Variants in RNASEH1 observed in about 807,000 individuals in gnomAD.
RNASEH1 encodes the protein ribonuclease H type II.
Under a neutral mutation model 34.6 loss-of-function variants are expected in RNASEH1, and 27 were observed. The ratio of observed to expected loss-of-function variants is 0.78; its 90% CI spans 0.58 to 1.08. The LOEUF (loss-of-function observed/expected upper bound fraction) is 1.08. Ranked by LOEUF, RNASEH1 falls within the 50% of genes least tolerant of loss-of-function variation. The pLI is 0.00. For missense variants in RNASEH1, 349 were observed against 373.6 expected (o/e 0.93, Z 0.54); for synonymous variants, 162 against 138.4 (o/e 1.17, Z -1.20).
rs1015965444 is a variant in RNASEH1, at chr2:3,545,263, T to C, written c.*522A>G. The C allele has an allele frequency of 5.7e-5, 9 of 156,628 alleles. No individual in the cohort carries two copies. The highest frequency in any genetic ancestry group is 2.2e-4 in the African/African-American group (9 of 41,380). The allele number at this position is 156,628 out of a possible 1,614,324, so 9.7% of individuals were successfully genotyped here. On this transcript the variant is annotated 3_prime_UTR_variant, in exon 8 of 8. Transcript: ENST00000315212. ...ACTAACTGCCCAGCAAGCAGGCACA[T>C]GGGGCTGAGACCCAGCACACATCCT...
In RNASEH1 at chr2:3,544,871, T is replaced by G. The variant is rs1186466534; in HGVS notation, c.*914A>C. ...CTCACTGCAACCTCTGCCGCCTGGGTTCAAGTGATTCTTGTGCCTCAGCCT... is the reference window on the plus strand; with the variant it reads ...CTCACTGCAACCTCTGCCGCCTGGGGTCAAGTGATTCTTGTGCCTCAGCCT... On this transcript the variant is annotated 3_prime_UTR_variant, in exon 8 of 8. Transcript: ENST00000315212. The G allele has an allele frequency of 1.3e-5, 2 of 151,456 alleles. No homozygotes were observed. Among genetic ancestry groups the G allele is most frequent in the Non-Finnish European group, 2.9e-5 (2 of 67,916 alleles). 9.4% of individuals were successfully genotyped at this position (151,456 alleles called of 1,614,324 possible).
At position 3,545,480 on chromosome 2, in the gene RNASEH1, C is replaced by T; in HGVS notation, c.*305G>A. 3.0e-6 allele frequency: 1 copy of T among 327,980 alleles called. No individual in the cohort carries two copies. 20.3% of individuals were successfully genotyped at this position (327,980 alleles called of 1,614,324 possible). ...TTTGATTTCTTATCAAAATATAAGC[C>T]ACAGCATTTTAGGCCATTTGCCTTG... On this transcript the variant is annotated 3_prime_UTR_variant, in exon 8 of 8. Transcript: ENST00000315212.
rs1668923575 is a variant in RNASEH1 at position 3,548,049 on chromosome 2, G to A, written c.656C>T (p.Thr219Ile). Residue 219 changes from threonine (T) to isoleucine (I), a missense_variant, in exon 7 of 8, where the codon ACT (threonine) becomes ATT (isoleucine). Coordinates refer to ENST00000315212, the MANE Select transcript of RNASEH1 (RefSeq NM_002936.6). ...TTTCTTCCAACCTTGAACCCAGTTA[G>A]TTATACCTACAAAAATGCACGATCA... ...TDSMFTINGITNWVQGWKKNG... is the reference protein window; with the variant it reads ...TDSMFTINGIINWVQGWKKNG... The A allele has an allele frequency of 1.2e-6, 2 of 1,613,864 alleles. No individual in the cohort carries two copies. Among genetic ancestry groups the A allele is most frequent in the African/African-American group, 2.7e-5 (2 of 74,894 alleles).
chr2:3,547,439 G>C (rs1202589507), intron 7 of RNASEH1, among the ~76,000 whole-genome samples: 1 of 150,870 alleles, frequency 6.6e-6, no homozygotes, highest in African/African-American at 2.4e-5. Flanking sequence ...GCCTCCTAAA[G>C]TGCTGGGTTA....
At chr2:3,549,412 GGA>G (rs891650075) in intron 4 of RNASEH1, among the ~76,000 whole-genome samples, 48 of 152,190 alleles carry the variant, frequency 3.2e-4, no homozygotes, top group African/African-American at 1.0e-3. Flanking sequence ...GAAGAAGAAT[GGA>G]GAGAGTGAGA....
In RNASEH1 at chr2:3,545,593, T is replaced by C; in HGVS notation, c.*192A>G. 1 of 575,478 alleles carries C rather than the reference T, an allele frequency of 1.7e-6. No individual in the cohort carries two copies. The highest frequency in any genetic ancestry group is 2.3e-5 in the South Asian group (1 of 43,944). The allele number at this position is 575,478 out of a possible 1,614,324, so 35.6% of individuals were successfully genotyped here. A position where few individuals can be genotyped will look rare whatever the true frequency, so the allele number is the denominator to read the frequency against. ...ACATAATTCTCCAATCTCAAAGATG[T>C]TCAATTTATTATATACTTAACCATT... On this transcript the variant is annotated 3_prime_UTR_variant, in exon 8 of 8. Transcript: ENST00000315212.
the RNASEH1 span, among the ~76,000 whole-genome samples, chr2:3,534,651 G>A: frequency 9.9e-5 from 15 of 152,240 alleles, no homozygotes; most frequent in African/African-American, 2.2e-4. Flanking sequence ...GATCTGGGCC[G>A]GGGTGCAAGC....
Position 3,551,958 on chromosome 2 carries a change from C to T in RNASEH1, c.409+186G>A, listed in dbSNP as rs150603677. On this transcript the variant is annotated intron_variant, in intron 3 of 7. Transcript: ENST00000315212. Reference sequence around the variant, plus strand: ...ATGTAAGGGTTTTCCTAAGAACATCCAAAAGTTTAATTCTGCACTACTTGA... The same window carrying T: ...ATGTAAGGGTTTTCCTAAGAACATCTAAAAGTTTAATTCTGCACTACTTGA... 1.8e-4 allele frequency among the ~76,000 whole-genome samples: 27 copies of T among 152,294 alleles called. No homozygotes were observed. In the East Asian group the frequency reaches 5.0e-3, roughly 28 times the overall value.
chr2:3,537,585 G>C (rs1184964409), downstream of RNASEH1, among the ~76,000 whole-genome samples: 2 of 152,062 alleles, frequency 1.3e-5, no homozygotes, highest in African/African-American at 4.8e-5. Context: ...GCTGGGAATG[G>C]TGGCACACAC....
At chr2:3,549,796 A>C (rs905929176) in intron 4 of RNASEH1, among the ~76,000 whole-genome samples, 1 of 152,026 alleles carries the variant, frequency 6.6e-6, no homozygotes, top group African/African-American at 2.4e-5. Context: ...AATACAAAAA[A>C]TTAGCTGGGC....
In RNASEH1 at chr2:3,554,096, T is replaced by C. The variant is rs546975858; in HGVS notation, c.245-1788A>G. 2.6e-5 allele frequency among the ~76,000 whole-genome samples: 4 copies of C among 152,274 alleles called. No individual in the cohort carries two copies. In the East Asian group the frequency reaches 7.7e-4, roughly 29 times the overall value. ...AGGAACAAGAAAATGTCCAGCCTAGTGGAGCTTCTCAACCCACACCTCTCG... is the reference window on the plus strand; with the variant it reads ...AGGAACAAGAAAATGTCCAGCCTAGCGGAGCTTCTCAACCCACACCTCTCG... On this transcript the variant is annotated intron_variant, in intron 2 of 7. Transcript: ENST00000315212.
At chr2:3,532,341 C>A in the RNASEH1 span, 6 of 702,176 alleles carry the variant, frequency 8.5e-6, no homozygotes, top group South Asian at 4.4e-5. Context: ...GGGTACAAAG[C>A]GAGTGGTTCA....
intron 1 of RNASEH1, 34 bp from the exon 2 acceptor site, chr2:3,556,938 C>A: frequency 7.0e-7 from 1 of 1,436,870 alleles, no homozygotes; most frequent in South Asian, 1.1e-5. Flanking sequence ...TTCCTTCTTC[C>A]TTCTCTAACT....
intron 6 of RNASEH1, among the ~76,000 whole-genome samples, chr2:3,548,347 T>C (rs904817307): frequency 6.6e-6 from 1 of 152,196 alleles, no homozygotes; most frequent in African/African-American, 2.4e-5. Flanking sequence ...ATTCAGGGCA[T>C]TTCCCAAAGA....
intron 2 of RNASEH1, among the ~76,000 whole-genome samples, 184 bp from the exon 3 acceptor site, chr2:3,552,492 C>G (rs1398835599): frequency 7.1e-6 from 1 of 141,282 alleles, no homozygotes; most frequent in African/African-American, 2.7e-5. Context: ...ACCCCCTCCA[C>G]GCCATCTCCA....
chr2:3,538,135 G>C (rs1392912330), downstream of RNASEH1, among the ~76,000 whole-genome samples: 1 of 151,886 alleles, frequency 6.6e-6, no homozygotes, highest in Admixed American at 6.6e-5. Context: ...GATCACATGA[G>C]GTCGGGAGTC....
At chr2:3,549,011 T>C (rs777521338) in intron 5 of RNASEH1, 47 bp downstream of exon 5, 3 of 1,406,816 alleles carry the variant, frequency 2.1e-6, no homozygotes, top group Non-Finnish European at 3.0e-6. Flanking sequence ...GATAATTTCA[T>C]ACTCAATGCT....
chr2:3,541,933 G>A lies in RNASEH1; in HGVS notation c.*3852C>T, dbSNP rs148589615. ...TTTGGGAGGCCAAGGAAGGAGGATC[G>A]CTTGAGGCCAGGAGTTTAAGACCAG... On this transcript the variant is annotated 3_prime_UTR_variant, in exon 8 of 8. Transcript: ENST00000315212. Among the ~76,000 whole-genome samples, 484 of 152,248 alleles carry A rather than the reference G, an allele frequency of 3.2e-3. 1 individual carries two copies. The highest frequency in any genetic ancestry group is 0.017 in the Middle Eastern group (5 of 294).
At chr2:3,540,879 C>T (rs541309015), downstream of RNASEH1, among the ~76,000 whole-genome samples, 9 of 151,990 alleles carry the variant, frequency 5.9e-5, no homozygotes, top group South Asian at 2.1e-4. Context: ...CACCTAAAAA[C>T]AGAACTACTA....
Sources: allele counts gnomAD v4.1 joint callset (sites outside exome capture counted in the v4.1 genomes callset), GRCh38; gene constraint gnomAD v4.1.1; transcripts MANE v1.5; gene names NCBI Gene and HGNC (gene_info 2026-07-23, HGNC 2026-07-21).